Variants in WWC2 observed in about 807,000 individuals in gnomAD.
WWC2 encodes protein WWC2.
Under a neutral mutation model 138.5 loss-of-function variants are expected in WWC2, and 101 were observed. That is an observed-to-expected ratio of 0.73 (90% confidence interval 0.62 to 0.86). WWC2 has a LOEUF of 0.86. Ranked by LOEUF, WWC2 falls within the 40% of genes least tolerant of loss-of-function variation. The probability of loss-of-function intolerance (pLI) is 0.00; values close to 1 mark genes in which losing one functional copy is unlikely to be tolerated. For synonymous variants in WWC2, 558 were observed against 538.4 expected (o/e 1.04, Z -0.50); for missense variants, 1,420 against 1,419.4 (o/e 1.00, Z -0.01).
chr4:183,297,659 C>T (rs1479561651), intron 21 of WWC2, among the ~76,000 whole-genome samples: 1 of 152,184 alleles, frequency 6.6e-6, no homozygotes, highest in Non-Finnish European at 1.5e-5. Context: ...ATCTGCCCAT[C>T]TTGGCCTCCC....
intron 1 of WWC2, among the ~76,000 whole-genome samples, chr4:183,169,870 C>T (rs1734229073): frequency 1.3e-5 from 2 of 152,078 alleles, no homozygotes; most frequent in Non-Finnish European, 2.9e-5. Context: ...GTTTTCATTG[C>T]AGGAACACTT....
chr4:183,222,336 A>G (rs1358810211), intron 4 of WWC2, among the ~76,000 whole-genome samples: 5 of 151,978 alleles, frequency 3.3e-5, no homozygotes, highest in Admixed American at 6.6e-5. Flanking sequence ...AATAGAATCT[A>G]TATGTATTTT....
At chr4:183,285,318 A>G (rs536028646) in intron 19 of WWC2, among the ~76,000 whole-genome samples, 5 of 152,302 alleles carry the variant, frequency 3.3e-5, no homozygotes, top group African/African-American at 1.2e-4. Context: ...CTGTGTCTCA[A>G]CTCTGACCTT....
intron 8 of WWC2, among the ~76,000 whole-genome samples, chr4:183,251,274 G>A (rs1007952121): frequency 6.6e-6 from 1 of 152,244 alleles, no homozygotes; most frequent in Non-Finnish European, 1.5e-5. Flanking sequence ...GCTTTCGGTA[G>A]ATAGTGCCTG....
rs961260290 is a variant in WWC2 at position 183,282,916 on chromosome 4, C to G, written c.2883+10C>G. The G allele has an allele frequency of 3.2e-6, 5 of 1,566,134 alleles. No homozygotes were observed. The South Asian group carries it at 4.7e-5, about 15-fold the overall frequency. On this transcript the variant is annotated intron_variant, in intron 18 of 22. Transcript: ENST00000403733. Reference sequence around the variant, plus strand: ...TAGAATACCAACACTGGTGACTATTCCGCTGTGCTGTCTTAAAACTGATAC... The same window carrying G: ...TAGAATACCAACACTGGTGACTATTGCGCTGTGCTGTCTTAAAACTGATAC...
At chr4:183,128,782 C>G (rs1256970603) in intron 1 of WWC2, among the ~76,000 whole-genome samples, 1 of 152,144 alleles carries the variant, frequency 6.6e-6, no homozygotes, top group African/African-American at 2.4e-5. Flanking sequence ...CAACTGTTTT[C>G]AGGATTTTCT....
At chr4:183,181,858 G>A (rs1734642606) in intron 1 of WWC2, among the ~76,000 whole-genome samples, 1 of 152,128 alleles carries the variant, frequency 6.6e-6, no homozygotes, top group Admixed American at 6.6e-5. Flanking sequence ...ACAGGAAAGT[G>A]AAGCAAGGAC....
At chr4:183,249,814 C>T in intron 7 of WWC2, 106 bp from the exon 8 acceptor site, 1 of 853,498 alleles carries the variant, frequency 1.2e-6, no homozygotes, top group Non-Finnish European at 1.8e-6. Context: ...ATTTCAGTAC[C>T]ATCTTCTTTA....
chr4:183,261,090 T>C lies in WWC2; in HGVS notation c.1467T>C (p.Leu489=), dbSNP rs769175545. ...DVDYQYKLDF[L]LQEKSGYIPS... is the part of the protein sequence containing the mutation. ...ATTATCAGTATAAACTGGACTTCCT[T>C]CTGCAAGAGAAAAGCGGTTACATTC... Residue 489 remains leucine, a synonymous_variant, in exon 11 of 23, where the codon CTT becomes CTC. Transcript: ENST00000403733. The C allele has an allele frequency of 6.2e-7, 1 of 1,613,986 alleles. No homozygotes were observed.
intron 1 of WWC2, among the ~76,000 whole-genome samples, chr4:183,108,469 C>G (rs1223255065): frequency 6.6e-6 from 1 of 152,088 alleles, no homozygotes; most frequent in Non-Finnish European, 1.5e-5. Flanking sequence ...TAAGGAAAGT[C>G]TGAGAAACCC....
In WWC2 at chr4:183,265,890, A is replaced by G. The variant is rs147651744; in HGVS notation, c.2146A>G (p.Met716Val). The G allele has an allele frequency of 3.7e-6, 6 of 1,613,234 alleles. No individual in the cohort carries two copies. Among genetic ancestry groups the G allele is most frequent in the Non-Finnish European group, 4.2e-6 (5 of 1,179,664 alleles). ...LRYNAKSSSF[M>V]VIIAQLRNLH... The stretch of plus-strand genomic sequence containing the variant: ...ATACAATGCAAAAAGTTCAAGTTTC[A>G]TGGTGATTATAGCACAGCTCCGAAA... The change falls in exon 14 of 23, where the codon ATG (methionine) becomes GTG (valine). Residue 716 changes from methionine (M) to valine (V), a missense_variant. Transcript: ENST00000403733.
chr4:183,306,263 G>A (rs1173746225), intron 21 of WWC2, among the ~76,000 whole-genome samples: 5 of 152,138 alleles, frequency 3.3e-5, no homozygotes, highest in Admixed American at 3.3e-4. Flanking sequence ...TAACAAATTG[G>A]TAGATATTAT....
intron 9 of WWC2, among the ~76,000 whole-genome samples, chr4:183,259,040 T>C (rs1301511759): frequency 6.6e-6 from 1 of 152,202 alleles, no homozygotes; most frequent in African/African-American, 2.4e-5. Flanking sequence ...TGATGAGATG[T>C]GCTGTAGCTC....
chr4:183,251,130 G>T (rs948654262), intron 8 of WWC2, among the ~76,000 whole-genome samples: 19 of 152,216 alleles, frequency 1.2e-4, no homozygotes, highest in African/African-American at 4.6e-4. Context: ...ATTTTCTCTG[G>T]GAGATTCTAA....
chr4:183,221,856 G>A (rs2111266500), intron 4 of WWC2, among the ~76,000 whole-genome samples: 1 of 152,206 alleles, frequency 6.6e-6, no homozygotes. Flanking sequence ...TTCTTACAAA[G>A]TTAAACATAT....
At chr4:183,203,517 G>A (rs909424490) in intron 2 of WWC2, 1 of 151,916 alleles carries the variant, frequency 6.6e-6, no homozygotes, top group African/African-American at 2.4e-5. Context: ...TTCATTTCCA[G>A]TGTGGCCTGG....
chr4:183,122,471 T>C (rs1732632623), intron 1 of WWC2, among the ~76,000 whole-genome samples: 1 of 152,156 alleles, frequency 6.6e-6, no homozygotes, highest in South Asian at 2.1e-4. Flanking sequence ...AGGGGAAATG[T>C]TTGCATATAA....
intron 9 of WWC2, among the ~76,000 whole-genome samples, chr4:183,257,154 C>T (rs1024428022): frequency 1.3e-5 from 2 of 152,170 alleles, no homozygotes; most frequent in Admixed American, 1.3e-4. Context: ...CTTAACATTG[C>T]TCCTTGTTTT....
At chr4:183,139,743 G>A (rs6846985) in intron 1 of WWC2, among the ~76,000 whole-genome samples, 21,108 of 152,136 alleles carry the variant, frequency 0.14, 1,825 homozygotes, top group East Asian at 0.24. Context: ...GCATTCACCC[G>A]TGCCGCCCTA....
Sources: gnomAD v4.1 joint callset for allele counts (sites outside exome capture counted in the v4.1 genomes callset) on GRCh38, gnomAD v4.1.1 for gene constraint, MANE v1.5 for transcripts, NCBI Gene and HGNC (gene_info 2026-07-23, HGNC 2026-07-21) for gene names.